ZNF273: variants seen among roughly 807,000 people sequenced by gnomAD.
The protein encoded by ZNF273 is zinc finger protein 273.
In ZNF273, 11 loss-of-function variants were observed where a neutral mutation model predicts 14.9. The observed-to-expected ratio is 0.74, with a 90% CI of 0.46 to 1.22. ZNF273 has a LOEUF of 1.22. Ranked by LOEUF, ZNF273 falls within the 50% of genes most tolerant of loss-of-function variation. ZNF273 has a pLI of 0.00. For synonymous variants in ZNF273, 199 were observed against 223.9 expected, an observed-to-expected ratio of 0.89 and a Z score of 0.99; for missense variants, 577 against 660.6, an observed-to-expected ratio of 0.87 and a Z score of 1.39.
chr7:64,912,202 G>T (rs753830123), intron 1 of ZNF273, among the ~76,000 whole-genome samples: 1 of 151,976 alleles, frequency 6.6e-6, no homozygotes, highest in Non-Finnish European at 1.5e-5. Context: ...GAGGTGATTC[G>T]CCCGCCTCGG....
At chr7:64,909,265 C>T (rs1055484095) in intron 1 of ZNF273, among the ~76,000 whole-genome samples, 7 of 151,604 alleles carry the variant, frequency 4.6e-5, no homozygotes, top group Non-Finnish European at 1.0e-4. Context: ...CCCTCTGTCG[C>T]CCAGACTGGA....
chr7:64,890,181 A>C (rs543776793), downstream of ZNF273: 1 of 61,646 alleles, frequency 1.6e-5, no homozygotes, highest in Admixed American at 1.8e-4. Context: ...TGGAGGAAGC[A>C]GGTTAGGGGT....
chr7:64,906,667 A>T (rs909970377), intron 1 of ZNF273, among the ~76,000 whole-genome samples: 2 of 139,352 alleles, frequency 1.4e-5, no homozygotes, highest in Admixed American at 1.4e-4. Context: ...CACACCAGCC[A>T]TGAAGAAGCC....
chr7:64,882,079 C>T (rs1017239648), downstream of ZNF273, among the ~76,000 whole-genome samples: 9 of 152,118 alleles, frequency 5.9e-5, no homozygotes, highest in African/African-American at 1.7e-4. Flanking sequence ...AGGGGGAGCC[C>T]CTAAACGGCC....
At chr7:64,906,249 T>C (rs1424268942) in intron 1 of ZNF273, among the ~76,000 whole-genome samples, 1 of 152,226 alleles carries the variant, frequency 6.6e-6, no homozygotes, top group Admixed American at 6.5e-5. Flanking sequence ...ATCTCTAGTC[T>C]ATGTCCTGTT....
At chr7:64,914,389 A>C (rs1374868872) in intron 1 of ZNF273, among the ~76,000 whole-genome samples, 1 of 149,338 alleles carries the variant, frequency 6.7e-6, no homozygotes, top group East Asian at 2.0e-4. Flanking sequence ...TATTATTTTT[A>C]TTTCTTTTAC....
chr7:64,911,539 A>AGCACTGTGAGCT (rs1793514742), intron 1 of ZNF273, among the ~76,000 whole-genome samples: 1 of 152,196 alleles, frequency 6.6e-6, no homozygotes. Flanking sequence ...CTGGGATTAC[A>AGCACTGTGAGCT]GGTGTGAGCC....
In ZNF273 at chr7:64,930,099, G is replaced by T. The variant is rs1167988719; in HGVS notation, c.*1061G>T. Reference sequence around the variant, plus strand: ...GTCTGGTCTCAAACTCCCAACCTCAGGTGATATGCCCGCCTCGGCCTCCCA... The same window carrying T: ...GTCTGGTCTCAAACTCCCAACCTCATGTGATATGCCCGCCTCGGCCTCCCA... On this transcript the variant is annotated 3_prime_UTR_variant, in exon 4 of 4. Coordinates refer to ENST00000476120, the MANE Select transcript of ZNF273 (RefSeq NM_021148.3). 3 of 152,154 alleles carry T rather than the reference G, an allele frequency of 2.0e-5. No individual in the cohort carries two copies. Among genetic ancestry groups the T allele is most frequent in the Admixed American group, 2.0e-4 (3 of 15,268 alleles). 9.4% of individuals were successfully genotyped at this position (152,154 alleles called of 1,614,324 possible).
At chr7:64,932,012 T>C (rs1006937890), downstream of ZNF273, among the ~76,000 whole-genome samples, 4 of 152,196 alleles carry the variant, frequency 2.6e-5, no homozygotes, top group African/African-American at 7.2e-5. Flanking sequence ...GTGTTATGGC[T>C]ACAGTTTTCT....
chr7:64,924,230 T>C (rs1794662381), intron 3 of ZNF273: 1 of 152,190 alleles, frequency 6.6e-6, no homozygotes, highest in Non-Finnish European at 1.5e-5. Context: ...TTTTTAAGAC[T>C]CTTTTGACTT....
In ZNF273 at chr7:64,928,304, G is replaced by T. The variant is rs1208357549; in HGVS notation, c.976G>T (p.Gly326Cys). 3 of 1,613,134 alleles carry T rather than the reference G, an allele frequency of 1.9e-6. No homozygotes were observed. Among genetic ancestry groups the T allele is most frequent in the Non-Finnish European group, 1.7e-6 (2 of 1,179,642 alleles). ...CTACAATTGTGAAGAATGTGGCAAA[G>T]GCTTTAGTATATTCTCAACCCTTAC... ...KPYNCEECGK[G>C]FSIFSTLTKH... Residue 326 changes from glycine (G) to cysteine (C), a missense_variant, in exon 4 of 4, where the codon GGC becomes TGC. This residue lies in a region of ZNF273 where 411 missense variants were observed against 440.4 expected (regional missense o/e 0.93). Transcript: ENST00000476120.
At position 64,903,350 on chromosome 7, in the gene ZNF273, G is replaced by A; in HGVS notation, c.33G>A (p.Val11=). 6.2e-7 allele frequency: 1 copy of A among 1,613,460 alleles called. No individual in the cohort carries two copies. The highest frequency in any genetic ancestry group is 8.5e-7 in the Non-Finnish European group (1 of 1,179,556). Reference sequence around the variant, plus strand: ...CTGCTCCTAGAGGTCCACCTTCTGTGGCCCCGTTACCTGCAGGTATTGGGA... The same window carrying A: ...CTGCTCCTAGAGGTCCACCTTCTGTAGCCCCGTTACCTGCAGGTATTGGGA... MSSAPRGPPS[V]APLPAGIGRS... Residue 11 remains valine (V), a synonymous_variant, in exon 1 of 4, where the codon GTG becomes GTA. Transcript: ENST00000476120.
intron 3 of ZNF273, chr7:64,924,533 A>ACACACACG (rs1056723664): frequency 8.5e-6 from 1 of 118,254 alleles, no homozygotes; most frequent in African/African-American, 3.0e-5. Context: ...ACACACACAC[A>ACACACACG]CGCGCGCGCG....
chr7:64,918,420 T>G (rs544231116), intron 3 of ZNF273, 128 bp downstream of exon 3: 231 of 911,752 alleles, frequency 2.5e-4, no homozygotes, highest in Admixed American at 3.3e-4. Context: ...CCCAGCACTT[T>G]GGGAGGCCGA....
At chr7:64,906,679 T>C (rs1049448385) in intron 1 of ZNF273, among the ~76,000 whole-genome samples, 2 of 123,738 alleles carry the variant, frequency 1.6e-5, no homozygotes, top group Non-Finnish European at 3.7e-5. Context: ...GAAGAAGCCT[T>C]TATACTGAGA....
chr7:64,935,286 A>AT (rs773549195), downstream of ZNF273, among the ~76,000 whole-genome samples: 10 of 152,180 alleles, frequency 6.6e-5, no homozygotes, highest in Non-Finnish European at 1.2e-4. Context: ...TGACTTGGAC[A>AT]TTTAATACTA....
chr7:64,901,661 C>T (rs1225757931), upstream of ZNF273, among the ~76,000 whole-genome samples: 1 of 152,274 alleles, frequency 6.6e-6, no homozygotes, highest in Non-Finnish European at 1.5e-5. Context: ...TGGGATCCTC[C>T]TATGATGTGT....
chr7:64,912,829 T>TTTTGTTGTTGTTGTTG lies in ZNF273; in HGVS notation c.103-4749_103-4748insGTTGTTGTTGTTGTTT, dbSNP rs796861025. Among the ~76,000 whole-genome samples the TTTTGTTGTTGTTGTTG allele has an allele frequency of 5.4e-5, 5 of 92,136 alleles. No individual in the cohort carries two copies. The East Asian group carries it at 8.4e-4, about 15-fold the overall frequency. 60.4% of individuals were successfully genotyped at this position (92,136 alleles called of 152,430 possible). A position where few individuals can be genotyped will look rare whatever the true frequency, so the allele number is the denominator to read the frequency against. ...TTTTGACTCAGGATTCATTTTAGTT[T>TTTTGTTGTTGTTGTTG]TTTTTTTTTTTTTTTTTGAGATTGA... On this transcript the variant is annotated intron_variant, in intron 1 of 3. Transcript: ENST00000476120.
downstream of ZNF273, among the ~76,000 whole-genome samples, chr7:64,881,987 C>T (rs967311046): frequency 1.1e-4 from 16 of 152,160 alleles, no homozygotes; most frequent in African/African-American, 3.9e-4. Flanking sequence ...GATGCCAGTT[C>T]CAGGGGTGAG....
Sources: allele counts gnomAD v4.1 joint callset (sites outside exome capture counted in the v4.1 genomes callset), GRCh38; gene constraint gnomAD v4.1.1; regional missense constraint gnomAD v4.1.1; transcripts MANE v1.5; gene names NCBI Gene and HGNC (gene_info 2026-07-23, HGNC 2026-07-21).